The following FOXN4 variants were observed in gnomAD, a reference collection of about 807,000 sequenced individuals.
FOXN4 encodes the protein forkhead box N4.
Under a neutral mutation model 45.0 loss-of-function variants are expected in FOXN4, and 12 were observed. The ratio of observed to expected loss-of-function variants is 0.27; its 90% CI spans 0.17 to 0.43. FOXN4 has a LOEUF of 0.43. Ranked by LOEUF, FOXN4 falls within the 20% of genes least tolerant of loss-of-function variation. The probability of loss-of-function intolerance (pLI) is 1.00; values close to 1 mark genes in which losing one functional copy is unlikely to be tolerated. For missense variants in FOXN4, 560 were observed against 694.9 expected (o/e 0.81, Z 2.18); for synonymous variants, 297 against 295.0 (o/e 1.01, Z -0.07).
intron 2 of FOXN4, among the ~76,000 whole-genome samples, chr12:109,300,193 T>C (rs988577973): frequency 2.0e-5 from 3 of 152,088 alleles, no homozygotes; most frequent in Non-Finnish European, 4.4e-5. Flanking sequence ...AACAGCAGGG[T>C]GTCCGGCACT....
chr12:109,293,784 G>T (rs916318444), intron 2 of FOXN4, among the ~76,000 whole-genome samples: 1 of 152,166 alleles, frequency 6.6e-6, no homozygotes, highest in Admixed American at 6.5e-5. Flanking sequence ...ATGCCTGCTT[G>T]GCTGGTTGAA....
Position 109,290,550 on chromosome 12 carries a change from A to G in FOXN4, c.87-264T>C, listed in dbSNP as rs908072419. Among the ~76,000 whole-genome samples the G allele has an allele frequency of 7.2e-5, 11 of 152,268 alleles. No individual in the cohort carries two copies. The highest frequency in any genetic ancestry group is 5.9e-5 in the Non-Finnish European group (4 of 68,004). ...CCTACCACATAAACAATGCACGCGA[A>G]TATTTGTTGAGGACTTGACCAGTGC... On this transcript the variant is annotated intron_variant, in intron 2 of 9. Transcript: ENST00000299162. The surrounding 1 kb of genome is among the most constrained non-coding windows in gnomAD (Gnocchi z 5.1).
chr12:109,307,951 G>A (rs1466717497), intron 2 of FOXN4, among the ~76,000 whole-genome samples: 2 of 152,088 alleles, frequency 1.3e-5, no homozygotes, highest in Non-Finnish European at 2.9e-5. Flanking sequence ...AGCTGCTATT[G>A]TCATCTTAAC....
intron 2 of FOXN4, among the ~76,000 whole-genome samples, chr12:109,300,585 G>A (rs955726695): frequency 1.3e-5 from 2 of 152,124 alleles, no homozygotes; most frequent in African/African-American, 4.8e-5. Context: ...ATGCAGGAAG[G>A]GCAAACCCTC....
chr12:109,302,582 G>A (rs997303677), intron 2 of FOXN4, among the ~76,000 whole-genome samples: 24 of 152,208 alleles, frequency 1.6e-4, no homozygotes, highest in African/African-American at 5.3e-4. Flanking sequence ...TCTCACCACA[G>A]GGGGCAGATG....
Position 109,290,677 on chromosome 12 carries a change from C to G in FOXN4, c.87-391G>C, listed in dbSNP as rs566087492. 6.6e-6 allele frequency among the ~76,000 whole-genome samples: 1 copy of G among 152,318 alleles called. No individual in the cohort carries two copies. Among genetic ancestry groups the G allele is most frequent in the East Asian group, 1.9e-4 (1 of 5,180 alleles). ...GAAACCGAGGCACAGTTGGAGCTCACCTACTATGGGACACTACAGCACAGA... is the reference window on the plus strand; with the variant it reads ...GAAACCGAGGCACAGTTGGAGCTCAGCTACTATGGGACACTACAGCACAGA... On this transcript the variant is annotated intron_variant, in intron 2 of 9. Transcript: ENST00000299162. The surrounding 1 kb of genome is among the most constrained non-coding windows in gnomAD (Gnocchi z 5.1).
At chr12:109,284,458 C>CATGTGTGCGTGT (rs1282239695) in intron 8 of FOXN4, among the ~76,000 whole-genome samples, 1 of 152,022 alleles carries the variant, frequency 6.6e-6, no homozygotes, top group Admixed American at 6.5e-5. Context: ...TGTGTGCGTG[C>CATGTGTGCGTGT]ATGTGTGCGT....
intron 2 of FOXN4, among the ~76,000 whole-genome samples, chr12:109,297,252 G>A (rs1263092375): frequency 6.6e-6 from 1 of 152,256 alleles, no homozygotes; most frequent in Non-Finnish European, 1.5e-5. Context: ...GATCAGCAGC[G>A]GCATTAGATT....
At position 109,288,491 on chromosome 12, in the gene FOXN4, T is replaced by G. The variant is rs1284515857; in HGVS notation, c.233-311A>C. ...GCTTAGCACACTGCTGGGCACATGA[T>G]AATATCTCAATAAACATGAGTCAAT... On this transcript the variant is annotated intron_variant, in intron 3 of 9. Transcript: ENST00000299162. This position sits in a 1 kb window ranked among gnomAD's most constrained non-coding sequence, Gnocchi z 4.3. Among the ~76,000 whole-genome samples, 1 of 152,234 alleles carries G rather than the reference T, an allele frequency of 6.6e-6. No homozygotes were observed. Among genetic ancestry groups the G allele is most frequent in the Non-Finnish European group, 1.5e-5 (1 of 68,036 alleles).
intron 2 of FOXN4, among the ~76,000 whole-genome samples, chr12:109,296,164 A>T (rs538561186): frequency 6.6e-6 from 1 of 152,328 alleles, no homozygotes; most frequent in East Asian, 1.9e-4. Context: ...GCCCAGAGGC[A>T]CTGAGCCAGG....
intron 2 of FOXN4, among the ~76,000 whole-genome samples, chr12:109,297,449 T>G (rs2047828196): frequency 6.6e-6 from 1 of 152,226 alleles, no homozygotes; most frequent in Non-Finnish European, 1.5e-5. Context: ...CAAGTGATTC[T>G]CCTGTCTCAG....
At position 109,279,743 on chromosome 12, in the gene FOXN4, C is replaced by T; in HGVS notation, c.1482G>A (p.Val494=). 1.9e-6 allele frequency: 3 copies of T among 1,586,444 alleles called. No homozygotes were observed. The highest frequency in any genetic ancestry group is 2.6e-6 in the Non-Finnish European group (3 of 1,166,700). ...AGGAGGAGCTGGTGCCCGATGCAGC[C>T]ACACTGTCCGGAGTGGAGTACGCTG... ...LYTAYSTPDS[V]AASGTSSSSQ... Residue 494 remains valine, a synonymous_variant, in exon 10 of 10, where the codon GTG becomes GTA. Transcript: ENST00000299162.
intron 2 of FOXN4, among the ~76,000 whole-genome samples, chr12:109,306,739 T>C (rs1318811908): frequency 6.6e-6 from 1 of 152,228 alleles, no homozygotes; most frequent in Non-Finnish European, 1.5e-5. Context: ...GCAGTGGGTA[T>C]TATTTCTATC....
Position 109,285,527 on chromosome 12 carries a change from G to C in FOXN4, c.694-16C>G. 1 of 1,613,454 alleles carries C rather than the reference G, an allele frequency of 6.2e-7. No individual in the cohort carries two copies. Among genetic ancestry groups the C allele is most frequent in the Non-Finnish European group, 8.5e-7 (1 of 1,179,664 alleles). On this transcript the variant is annotated splice_polypyrimidine_tract_variant and intron_variant, in intron 7 of 9. Coordinates refer to ENST00000299162, the MANE Select transcript of FOXN4 (RefSeq NM_213596.3). ...CGGGGGCCGTCTATGAAGACACATG[G>C]GCATTCAGAGGCCTCCCTGTAAGCC...
At chr12:109,300,444 G>A (rs1254024285) in intron 2 of FOXN4, among the ~76,000 whole-genome samples, 1 of 152,104 alleles carries the variant, frequency 6.6e-6, no homozygotes, top group African/African-American at 2.4e-5. Context: ...CAGATGGGAT[G>A]GCTGAGGCCC....
chr12:109,297,245 C>G (rs2047826332), intron 2 of FOXN4, among the ~76,000 whole-genome samples: 1 of 152,264 alleles, frequency 6.6e-6, no homozygotes, highest in African/African-American at 2.4e-5. Context: ...CCTGTCAGAT[C>G]AGCAGCGGCA....
intron 2 of FOXN4, among the ~76,000 whole-genome samples, chr12:109,299,641 G>A (rs950848366): frequency 2.6e-5 from 4 of 152,232 alleles, no homozygotes; most frequent in African/African-American, 9.7e-5. Context: ...GGGGGATGCT[G>A]AAGGGTTGGG....
In FOXN4 at chr12:109,288,326, C is replaced by T; in HGVS notation, c.233-146G>A. Reference sequence around the variant, plus strand: ...ATAGTAGGTGCTTGGCAAATCACTTCCCTGGTGTGTAGTGAAAAGTAGGTT... The same window carrying T: ...ATAGTAGGTGCTTGGCAAATCACTTTCCTGGTGTGTAGTGAAAAGTAGGTT... On this transcript the variant is annotated intron_variant, in intron 3 of 9. Coordinates refer to ENST00000299162, the MANE Select transcript of FOXN4 (RefSeq NM_213596.3). The surrounding 1 kb of genome is among the most constrained non-coding windows in gnomAD (Gnocchi z 4.3). 8.6e-7 allele frequency: 1 copy of T among 1,158,984 alleles called. No homozygotes were observed. Among genetic ancestry groups the T allele is most frequent in the Non-Finnish European group, 1.2e-6 (1 of 844,600 alleles). The allele number at this position is 1,158,984 out of a possible 1,614,324, so 71.8% of individuals were successfully genotyped here.
At chr12:109,285,159 T>C in intron 8 of FOXN4, 145 bp downstream of exon 8, 1 of 868,440 alleles carries the variant, frequency 1.2e-6, no homozygotes, top group Non-Finnish European at 1.8e-6. Context: ...TGTGTGCGCA[T>C]ATTTGTGTGT....
Sources: allele counts gnomAD v4.1 joint callset (sites outside exome capture counted in the v4.1 genomes callset), GRCh38; gene constraint gnomAD v4.1.1; non-coding constraint Gnocchi (gnomAD v3.1); transcripts MANE v1.5; gene names NCBI Gene and HGNC (gene_info 2026-07-23, HGNC 2026-07-21).